Variants in SEPTIN10 observed in about 807,000 individuals in gnomAD.
SEPTIN10 encodes septin 10.
In SEPTIN10, 66 loss-of-function variants were observed where a neutral mutation model predicts 54.8. That is an observed-to-expected ratio of 1.21 (90% CI 0.99 to 1.48). The LOEUF (loss-of-function observed/expected upper bound fraction) is 1.48, where lower values mean the gene tolerates loss of function less well. SEPTIN10 is among the 40% of genes most tolerant of loss of function. The pLI is 0.00. For missense variants in SEPTIN10, 620 were observed against 545.6 expected, an observed-to-expected ratio of 1.14 and a Z score of -1.36; for synonymous variants, 161 against 181.0, an observed-to-expected ratio of 0.89 and a Z score of 0.89.
intron 8 of SEPTIN10, among the ~76,000 whole-genome samples, chr2:109,553,911 C>A (rs536039321): frequency 6.6e-6 from 1 of 151,688 alleles, no homozygotes; most frequent in East Asian, 1.9e-4. Flanking sequence ...TCACCTAATG[C>A]CATCAATAGG....
chr2:109,597,971 GA>G (rs1242307253), intron 1 of SEPTIN10, among the ~76,000 whole-genome samples: 3 of 152,166 alleles, frequency 2.0e-5, no homozygotes, highest in Admixed American at 6.5e-5. Flanking sequence ...ACCCTGCTGG[GA>G]AACATTTCTG....
At chr2:109,560,092 T>C (rs1323362156) in intron 8 of SEPTIN10, among the ~76,000 whole-genome samples, 1 of 151,920 alleles carries the variant, frequency 6.6e-6, no homozygotes, top group East Asian at 1.9e-4. Context: ...AGCTAATTTT[T>C]TGTATTTTTA....
intron 1 of SEPTIN10, among the ~76,000 whole-genome samples, chr2:109,605,965 T>C (rs1476763551): frequency 6.6e-6 from 1 of 152,164 alleles, no homozygotes; most frequent in Non-Finnish European, 1.5e-5. Flanking sequence ...TGCTGCATCA[T>C]TAAGAACTGC....
At chr2:109,552,915 A>T in intron 9 of SEPTIN10, 172 bp downstream of exon 9, 1 of 718,884 alleles carries the variant, frequency 1.4e-6, no homozygotes, top group Non-Finnish European at 2.2e-6. Context: ...GTTTTCATTT[A>T]ATTTCAGGCT....
chr2:109,587,682 G>C (rs1391360135), intron 2 of SEPTIN10, among the ~76,000 whole-genome samples: 4 of 152,130 alleles, frequency 2.6e-5, no homozygotes, highest in African/African-American at 9.7e-5. Flanking sequence ...GGGAGGCCGA[G>C]GCGGGTGGAT....
chr2:109,613,252 C>T, intron 1 of SEPTIN10: 2 of 1,129,256 alleles, frequency 1.8e-6, no homozygotes, highest in Non-Finnish European at 2.3e-6. Flanking sequence ...AAACAGTGAA[C>T]AAACGCGTTC....
intron 9 of SEPTIN10, among the ~76,000 whole-genome samples, chr2:109,551,954 C>G (rs1026151178): frequency 6.6e-6 from 1 of 152,190 alleles, no homozygotes; most frequent in Non-Finnish European, 1.5e-5. Flanking sequence ...ATCCCCAGGC[C>G]GCGGACCAGT....
chr2:109,606,552 A>G (rs1698014435), intron 1 of SEPTIN10, among the ~76,000 whole-genome samples: 2 of 151,932 alleles, frequency 1.3e-5, no homozygotes, highest in South Asian at 4.1e-4. Flanking sequence ...ACAGAAAAAT[A>G]TATCTTGACT....
At chr2:109,549,649 A>C (rs1682332339) in intron 9 of SEPTIN10, among the ~76,000 whole-genome samples, 1 of 152,230 alleles carries the variant, frequency 6.6e-6, no homozygotes, top group Admixed American at 6.5e-5. Context: ...TCAGTATGGT[A>C]CGATAGTCCC....
chr2:109,547,671 A>C (rs1304331081), intron 9 of SEPTIN10, among the ~76,000 whole-genome samples: 6 of 152,168 alleles, frequency 3.9e-5, no homozygotes, highest in Non-Finnish European at 8.8e-5. Flanking sequence ...GGATCATAGA[A>C]GGCATATTTC....
chr2:109,564,177 G>T, intron 8 of SEPTIN10, 189 bp downstream of exon 8: 1 of 459,720 alleles, frequency 2.2e-6, no homozygotes, highest in Non-Finnish European at 3.6e-6. Context: ...GACTTAAAAA[G>T]CAAGACTCTT....
intron 9 of SEPTIN10, among the ~76,000 whole-genome samples, chr2:109,549,675 G>A (rs953964789): frequency 3.9e-5 from 6 of 152,134 alleles, no homozygotes; most frequent in African/African-American, 1.4e-4. Context: ...TTCCACGGGG[G>A]ATACATTCCA....
chr2:109,565,806 G>T lies in SEPTIN10; in HGVS notation c.816C>A (p.Asn272Lys). ...GGTACTGGCGAGCTTTGACCATCTTGTTTCCGACTTTTACCTCATCCATAC... is the reference window on the plus strand; with the variant it reads ...GGTACTGGCGAGCTTTGACCATCTTTTTTCCGACTTTTACCTCATCCATAC... ...VGSMDEVKVGNKMVKARQYPW... is the reference protein window; with the variant it reads ...VGSMDEVKVGKKMVKARQYPW... The change falls in exon 7 of 11, where the codon AAC (asparagine) becomes AAA (lysine). Residue 272 changes from asparagine (N) to lysine (K), a missense_variant. Asn to Lys is a moderately conservative substitution (Grantham distance 94). Transcript: ENST00000397712. 1 of 1,614,020 alleles carries T rather than the reference G, an allele frequency of 6.2e-7. No individual in the cohort carries two copies. Among genetic ancestry groups the T allele is most frequent in the Non-Finnish European group, 8.5e-7 (1 of 1,179,992 alleles).
intron 8 of SEPTIN10, 79 bp downstream of exon 8, chr2:109,564,287 C>T (rs1686386628): frequency 9.6e-6 from 12 of 1,250,044 alleles, no homozygotes; most frequent in Non-Finnish European, 1.2e-5. Context: ...GAACACATGC[C>T]CCATCATCCT....
intron 1 of SEPTIN10, among the ~76,000 whole-genome samples, chr2:109,598,123 C>T (rs962125680): frequency 2.0e-5 from 3 of 152,040 alleles, no homozygotes; most frequent in African/African-American, 7.2e-5. Context: ...AGTGCAATGG[C>T]GTGATCTCAG....
intron 1 of SEPTIN10, among the ~76,000 whole-genome samples, chr2:109,599,767 C>T (rs1352623308): frequency 6.6e-6 from 1 of 152,144 alleles, no homozygotes; most frequent in African/African-American, 2.4e-5. Flanking sequence ...TTAACAAAAG[C>T]TTGCACCATA....
chr2:109,587,612 C>G (rs1692867541), intron 2 of SEPTIN10, among the ~76,000 whole-genome samples: 1 of 152,068 alleles, frequency 6.6e-6, no homozygotes, highest in Non-Finnish European at 1.5e-5. Flanking sequence ...TGCTAAAAAA[C>G]AAGGATAATG....
intron 2 of SEPTIN10, among the ~76,000 whole-genome samples, chr2:109,587,201 A>G (rs1372742690): frequency 1.3e-5 from 2 of 152,204 alleles, no homozygotes; most frequent in African/African-American, 4.8e-5. Flanking sequence ...AACGACAAAA[A>G]GCAGCAGACA....
At chr2:109,611,327 G>A (rs1222319262) in intron 1 of SEPTIN10, among the ~76,000 whole-genome samples, 1 of 152,114 alleles carries the variant, frequency 6.6e-6, no homozygotes, top group Admixed American at 6.5e-5. Context: ...AGGAAATAAT[G>A]ATAAATTTCA....
Sources: gnomAD v4.1 joint callset for allele counts (sites outside exome capture counted in the v4.1 genomes callset) on GRCh38, gnomAD v4.1.1 for gene constraint, MANE v1.5 for transcripts, NCBI Gene and HGNC (gene_info 2026-07-23, HGNC 2026-07-21) for gene names.